The following EEFSEC variants were observed in gnomAD, a reference collection of about 807,000 sequenced individuals.
The protein encoded by EEFSEC is eukaryotic elongation factor, selenocysteine-tRNA specific.
A neutral mutation model predicts 42.1 loss-of-function variants in EEFSEC; 43 were observed. The ratio of observed to expected loss-of-function variants is 1.02; its 90% CI spans 0.80 to 1.32. The LOEUF (loss-of-function observed/expected upper bound fraction) is 1.32. Among genes scored for constraint, EEFSEC ranks in the 40% most tolerant of loss-of-function variants. EEFSEC has a pLI of 0.00. For missense variants in EEFSEC, 745 were observed against 803.6 expected, an observed-to-expected ratio of 0.93 and a Z score of 0.88; for synonymous variants, 354 against 339.1, an observed-to-expected ratio of 1.04 and a Z score of -0.48.
intron 6 of EEFSEC, among the ~76,000 whole-genome samples, chr3:128,365,559 T>C (rs1045605139): frequency 1.3e-4 from 20 of 152,030 alleles, no homozygotes; most frequent in Non-Finnish European, 2.5e-4. Flanking sequence ...GTGGCTGGAA[T>C]TGTGTGCTGT....
chr3:128,237,433 CAT>C (rs1383178806), intron 1 of EEFSEC, among the ~76,000 whole-genome samples: 3 of 152,120 alleles, frequency 2.0e-5, no homozygotes, highest in Admixed American at 6.5e-5. Flanking sequence ...ATTCTGATGT[CAT>C]GTGTATGGTA....
chr3:128,233,569 C>G (rs574996047), intron 1 of EEFSEC, among the ~76,000 whole-genome samples: 1 of 152,366 alleles, frequency 6.6e-6, no homozygotes, highest in Non-Finnish European at 1.5e-5. Context: ...TCTTACAGAT[C>G]TACCTGAGCT....
At chr3:128,193,426 G>A (rs530746497) in intron 1 of EEFSEC, among the ~76,000 whole-genome samples, 6 of 152,340 alleles carry the variant, frequency 3.9e-5, no homozygotes, top group South Asian at 2.1e-4. Context: ...CTGGCACTTC[G>A]GGGGAGGGGC....
intron 6 of EEFSEC, among the ~76,000 whole-genome samples, chr3:128,406,985 G>A (rs1243009843): frequency 6.6e-6 from 1 of 152,160 alleles, no homozygotes; most frequent in Admixed American, 6.5e-5. Context: ...GTTTAAGGAT[G>A]AGTGGGACTT....
At chr3:128,179,656 G>A (rs1225809757) in intron 1 of EEFSEC, among the ~76,000 whole-genome samples, 1 of 152,224 alleles carries the variant, frequency 6.6e-6, no homozygotes, top group African/African-American at 2.4e-5. Flanking sequence ...CAGAGATGCA[G>A]TAGTGGCTTG....
chr3:128,270,579 G>A (rs2066403275), intron 4 of EEFSEC, among the ~76,000 whole-genome samples: 1 of 152,226 alleles, frequency 6.6e-6, no homozygotes. Context: ...ACTGGTAGGT[G>A]TTTTTACTTT....
At chr3:128,406,519 G>A (rs1406765308) in intron 6 of EEFSEC, among the ~76,000 whole-genome samples, 1 of 152,142 alleles carries the variant, frequency 6.6e-6, no homozygotes, top group Non-Finnish European at 1.5e-5. Flanking sequence ...GATTTTAAAT[G>A]TTCTCATCAC....
intron 4 of EEFSEC, among the ~76,000 whole-genome samples, chr3:128,340,685 G>T (rs1470858885): frequency 6.6e-6 from 1 of 152,208 alleles, no homozygotes; most frequent in African/African-American, 2.4e-5. Context: ...ATTCAGAGGG[G>T]CTGGGTTACC....
intron 4 of EEFSEC, among the ~76,000 whole-genome samples, chr3:128,267,379 T>A (rs2066365658): frequency 1.3e-5 from 2 of 152,210 alleles, no homozygotes; most frequent in Admixed American, 6.5e-5. Flanking sequence ...CTCCTTTTAC[T>A]TTTGTGCACC....
chr3:128,181,027 G>A (rs1321135875), intron 1 of EEFSEC, among the ~76,000 whole-genome samples: 1 of 152,154 alleles, frequency 6.6e-6, no homozygotes, highest in Admixed American at 6.5e-5. Flanking sequence ...TTGCCCTTTT[G>A]CCAGGGCCTC....
intron 6 of EEFSEC, among the ~76,000 whole-genome samples, chr3:128,368,578 G>A (rs1667138071): frequency 6.6e-6 from 1 of 152,228 alleles, no homozygotes; most frequent in African/African-American, 2.4e-5. Context: ...ATCACTCCCT[G>A]GATGTGGTAG....
the EEFSEC span, among the ~76,000 whole-genome samples, chr3:128,420,656 TC>T: frequency 6.6e-6 from 1 of 152,294 alleles, no homozygotes; most frequent in African/African-American, 2.4e-5. Flanking sequence ...ACTCCCCAGT[TC>T]CCGAAGCAGA....
chr3:128,239,116 G>A (rs1406100435), intron 1 of EEFSEC, among the ~76,000 whole-genome samples: 1 of 152,232 alleles, frequency 6.6e-6, no homozygotes, highest in Non-Finnish European at 1.5e-5. Context: ...CTGCCCAGTG[G>A]TGGATACAGT....
chr3:128,241,918 A>C lies in EEFSEC; in HGVS notation c.317-4918A>C, dbSNP rs545204751. ...CACAGAGAGAGTTAATGTATTTGGCAAATGGTCATAATAATAGTAGGATAT... is the reference window on the plus strand; with the variant it reads ...CACAGAGAGAGTTAATGTATTTGGCCAATGGTCATAATAATAGTAGGATAT... On this transcript the variant is annotated intron_variant, in intron 1 of 6. Transcript: ENST00000254730. Among the ~76,000 whole-genome samples the C allele has an allele frequency of 6.6e-5, 10 of 152,362 alleles. No homozygotes were observed. The East Asian group carries it at 1.9e-3, about 29-fold the overall frequency.
intron 6 of EEFSEC, among the ~76,000 whole-genome samples, chr3:128,397,055 C>A (rs72977381): frequency 0.14 from 21,343 of 152,212 alleles, 1,739 homozygotes; most frequent in East Asian, 0.35. Context: ...GGCCTCTGCC[C>A]TGGAAGTGTT....
intron 1 of EEFSEC, among the ~76,000 whole-genome samples, chr3:128,177,143 G>A (rs1554535): frequency 0.42 from 64,272 of 151,690 alleles, 16,321 homozygotes; most frequent in African/African-American, 0.71. Flanking sequence ...ATTACAGGCC[G>A]TACTGGATTA....
chr3:128,371,855 C>T (rs2981016), intron 6 of EEFSEC, among the ~76,000 whole-genome samples: 5 of 152,176 alleles, frequency 3.3e-5, no homozygotes, highest in Admixed American at 1.3e-4. Context: ...GGCCGGGGCC[C>T]GGCGGCAGTG....
intron 6 of EEFSEC, among the ~76,000 whole-genome samples, chr3:128,360,058 C>T (rs987532105): frequency 5.3e-5 from 8 of 152,226 alleles, no homozygotes; most frequent in African/African-American, 1.4e-4. Flanking sequence ...GTTAGCAGCC[C>T]CTAAGGCCTC....
intron 6 of EEFSEC, among the ~76,000 whole-genome samples, chr3:128,383,094 C>T (rs530375576): frequency 3.1e-4 from 47 of 152,320 alleles, no homozygotes; most frequent in African/African-American, 1.1e-3. Flanking sequence ...ACTTCCCACA[C>T]TGCCTCCTCG....
Sources: allele counts gnomAD v4.1 joint callset (sites outside exome capture counted in the v4.1 genomes callset), GRCh38; gene constraint gnomAD v4.1.1; transcripts MANE v1.5; gene names NCBI Gene and HGNC (gene_info 2026-07-23, HGNC 2026-07-21).